Variants in FRMPD4 observed in about 807,000 individuals in gnomAD.
FRMPD4 encodes the protein FERM and PDZ domain containing 4.
A neutral mutation model predicts 94.1 loss-of-function variants in FRMPD4; 22 were observed. That is an observed-to-expected ratio of 0.23 (90% CI 0.17 to 0.33). The LOEUF (loss-of-function observed/expected upper bound fraction) is 0.33, where lower values mean the gene tolerates loss of function less well. FRMPD4 is among the 10% of genes least tolerant of loss of function. The pLI is 1.00. For missense variants in FRMPD4, 1,111 were observed against 1,339.9 expected, an observed-to-expected ratio of 0.83 and a Z score of 2.67; for synonymous variants, 631 against 548.6, an observed-to-expected ratio of 1.15 and a Z score of -2.10.
chrX:11,830,348 CAT>C lies in FRMPD4; in HGVS notation c.-161+7634_-161+7635del, dbSNP rs756151653. On this transcript the variant is annotated intron_variant, in intron 1 of 18. Coordinates refer to the FRMPD4 transcript ENST00000640291. ...AGTTATATATGTATGTTTTAAACCA[CAT>C]GTTATGTAAACTACACTGTTATACA... Among the ~76,000 whole-genome samples, 11 of 112,098 alleles carry C rather than the reference CAT, an allele frequency of 9.8e-5. No homozygotes were observed. In the South Asian group the frequency reaches 3.7e-3, roughly 38 times the overall value.
At chrX:12,597,982 C>T (rs1315529592) in intron 2 of FRMPD4, among the ~76,000 whole-genome samples, 10 of 112,028 alleles carry the variant, frequency 8.9e-5, no homozygotes, top group African/African-American at 2.9e-4. Context: ...ATGTCTTATC[C>T]GGAAAGGAAT....
At chrX:12,332,880 C>T (rs935564263) in intron 1 of FRMPD4, among the ~76,000 whole-genome samples, 2 of 111,983 alleles carry the variant, frequency 1.8e-5, no homozygotes, top group Non-Finnish European at 3.8e-5. Flanking sequence ...CCCTTGTAGT[C>T]TGAAAGCAAC....
chrX:12,215,019 A>G, intron 1 of FRMPD4, among the ~76,000 whole-genome samples: 1 of 111,356 alleles, frequency 9.0e-6, no homozygotes, highest in East Asian at 2.8e-4. Flanking sequence ...GCGTGTATAT[A>G]TGCGTGTACC....
chrX:12,142,783 ATC>A (rs760619855), intron 1 of FRMPD4, among the ~76,000 whole-genome samples: 15 of 109,692 alleles, frequency 1.4e-4, no homozygotes, highest in African/African-American at 2.9e-4. Context: ...CATTTCAAGC[ATC>A]TCTCTCTCTC....
intron 4 of FRMPD4, among the ~76,000 whole-genome samples, chrX:12,619,665 C>T (rs73446854): frequency 0.019 from 2,162 of 111,898 alleles, 54 homozygotes; most frequent in African/African-American, 0.065. Context: ...TCAAGGGACC[C>T]GGGAAGAGTC....
chrX:12,512,546 A>G (rs930904276), intron 2 of FRMPD4, among the ~76,000 whole-genome samples: 2 of 112,920 alleles, frequency 1.8e-5, no homozygotes, highest in African/African-American at 3.2e-5. Context: ...TGCAAAGGAC[A>G]AGATCTCATT....
At chrX:12,707,676 T>C (rs758533918) in intron 13 of FRMPD4, 25 bp downstream of exon 13, 1 of 1,118,932 alleles carries the variant, frequency 8.9e-7, no homozygotes, top group African/African-American at 1.8e-5. Flanking sequence ...TGTTGACACA[T>C]GGCCTTGCTG....
chrX:12,101,126 T>C (rs1601938795), intron 3 of FRMPD4, among the ~76,000 whole-genome samples: 1 of 111,831 alleles, frequency 8.9e-6, no homozygotes, highest in East Asian at 2.8e-4. Flanking sequence ...GTCTGGCATC[T>C]AGGGGGTGTG....
At chrX:11,878,374 T>C (rs1200280921) in intron 3 of FRMPD4, among the ~76,000 whole-genome samples, 1 of 112,320 alleles carries the variant, frequency 8.9e-6, no homozygotes, top group African/African-American at 3.2e-5. Flanking sequence ...TAATAGGCTA[T>C]AATTCACAGT....
At chrX:12,551,602 ATTTGG>A (rs1032597695) in intron 2 of FRMPD4, among the ~76,000 whole-genome samples, 2 of 110,802 alleles carry the variant, frequency 1.8e-5, no homozygotes, top group African/African-American at 3.3e-5. Context: ...TTGAAAATCT[ATTTGG>A]TTTGTTCTGT....
intron 11 of FRMPD4, 91 bp from the exon 12 acceptor site, chrX:12,706,735 T>A: frequency 2.2e-6 from 1 of 460,919 alleles, no homozygotes; most frequent in South Asian, 5.0e-5. Context: ...AAAATCATCC[T>A]TCTATCTTAC....
chrX:12,141,444 A>G (rs2147571076), intron 1 of FRMPD4, among the ~76,000 whole-genome samples: 1 of 112,445 alleles, frequency 8.9e-6, no homozygotes, highest in South Asian at 3.7e-4. Flanking sequence ...AGAGAATATT[A>G]TTCGACACTG....
intron 3 of FRMPD4, among the ~76,000 whole-genome samples, chrX:12,077,120 G>A (rs147033457): frequency 7.1e-4 from 79 of 111,466 alleles, no homozygotes; most frequent in African/African-American, 2.5e-3. Context: ...TTCCATCAGA[G>A]TTTGAGTCAA....
chrX:12,342,913 C>T (rs748524317), intron 1 of FRMPD4, among the ~76,000 whole-genome samples: 2 of 111,718 alleles, frequency 1.8e-5, no homozygotes, highest in Non-Finnish European at 3.8e-5. Context: ...ATTAACTTGC[C>T]CAACATCACA....
At chrX:12,030,961 A>G (rs1215584398) in intron 3 of FRMPD4, among the ~76,000 whole-genome samples, 1 of 112,073 alleles carries the variant, frequency 8.9e-6, no homozygotes, top group African/African-American at 3.2e-5. Flanking sequence ...TGTTTATAAA[A>G]TATCTACCAT....
intron 9 of FRMPD4, among the ~76,000 whole-genome samples, chrX:12,696,581 T>G (rs868029211): frequency 1.3e-4 from 2 of 14,990 alleles, no homozygotes; most frequent in Non-Finnish European, 2.6e-4. Context: ...AAAACAAAAA[T>G]GAAGCAAAAA....
intron 1 of FRMPD4, among the ~76,000 whole-genome samples, chrX:12,319,526 A>C (rs775370720): frequency 9.0e-6 from 1 of 111,526 alleles, no homozygotes; most frequent in Non-Finnish European, 1.9e-5. Context: ...AAGGGAAGAT[A>C]GTTTCTCCCC....
chrX:12,671,782 G>A (rs1461739878), intron 4 of FRMPD4, among the ~76,000 whole-genome samples: 1 of 110,782 alleles, frequency 9.0e-6, no homozygotes, highest in Non-Finnish European at 1.9e-5. Flanking sequence ...AGTAGAGCAC[G>A]CAGGTCTTGG....
chrX:12,317,466 A>G (rs1438981940), intron 1 of FRMPD4, among the ~76,000 whole-genome samples: 3 of 110,544 alleles, frequency 2.7e-5, no homozygotes, highest in African/African-American at 9.9e-5. Flanking sequence ...CTGCACAACA[A>G]AGGAAGCAAT....
Sources: allele counts gnomAD v4.1 joint callset (sites outside exome capture counted in the v4.1 genomes callset), GRCh38; gene constraint gnomAD v4.1.1; transcripts MANE v1.5; gene names NCBI Gene and HGNC (gene_info 2026-07-23, HGNC 2026-07-21).